Variants in CSNK1G1 observed in about 807,000 individuals in gnomAD.
CSNK1G1 encodes casein kinase I isoform gamma-1.
In CSNK1G1, 22 loss-of-function variants were observed where a neutral mutation model predicts 59.6. The ratio of observed to expected loss-of-function variants is 0.37; its 90% CI spans 0.26 to 0.53. The LOEUF (loss-of-function observed/expected upper bound fraction) is 0.53. Ranked by LOEUF, CSNK1G1 falls within the 20% of genes least tolerant of loss-of-function variation. The pLI is 0.89. For missense variants in CSNK1G1, 384 were observed against 519.5 expected (o/e 0.74, Z 2.54); for synonymous variants, 179 against 177.1 (o/e 1.01, Z -0.08).
intron 1 of CSNK1G1, among the ~76,000 whole-genome samples, chr15:64,353,611 C>A (rs1177218990): frequency 6.9e-6 from 1 of 145,406 alleles, no homozygotes; most frequent in Non-Finnish European, 1.5e-5. Context: ...CGTGCCACCA[C>A]ACTCCAGCCT....
chr15:64,215,681 G>A (rs1330742108), intron 5 of CSNK1G1, among the ~76,000 whole-genome samples: 1 of 152,190 alleles, frequency 6.6e-6, no homozygotes, highest in Non-Finnish European at 1.5e-5. Flanking sequence ...AAGGGCTTGT[G>A]ACAAACTTCT....
chr15:64,172,179 G>C (rs901172187), intron 11 of CSNK1G1, among the ~76,000 whole-genome samples, 194 bp from the exon 12 acceptor site: 1 of 152,320 alleles, frequency 6.6e-6, no homozygotes, highest in Admixed American at 6.5e-5. Context: ...ATAGCTGCTT[G>C]ATTTCAATCT....
chr15:64,292,607 C>T (rs140663366), intron 2 of CSNK1G1, among the ~76,000 whole-genome samples: 1 of 152,268 alleles, frequency 6.6e-6, no homozygotes, highest in African/African-American at 2.4e-5. Context: ...CATAAACATA[C>T]GTGCACCCCT....
At position 64,167,682 on chromosome 15, in the gene CSNK1G1, A is replaced by G. The variant is rs963374399; in HGVS notation, c.*4249T>C. 2.0e-5 allele frequency: 3 copies of G among 152,692 alleles called. No individual in the cohort carries two copies. The highest frequency in any genetic ancestry group is 4.8e-5 in the African/African-American group (2 of 41,454). The allele number at this position is 152,692 out of a possible 1,614,324, so 9.5% of individuals were successfully genotyped here. On this transcript the variant is annotated 3_prime_UTR_variant, in exon 12 of 12. Transcript: ENST00000303052. Reference sequence around the variant, plus strand: ...TAATATGGTTCTGACACTGGAGACAATGTTGTTAGGGCAACTCAATGGGAA... The same window carrying G: ...TAATATGGTTCTGACACTGGAGACAGTGTTGTTAGGGCAACTCAATGGGAA...
chr15:64,259,563 G>A (rs1892585939), intron 2 of CSNK1G1, among the ~76,000 whole-genome samples: 1 of 150,064 alleles, frequency 6.7e-6, no homozygotes, highest in Non-Finnish European at 1.5e-5. Context: ...TAAGCCACAA[G>A]GCAATTCAAG....
intron 1 of CSNK1G1, among the ~76,000 whole-genome samples, chr15:64,336,998 C>T (rs1051864250): frequency 5.3e-5 from 8 of 152,026 alleles, no homozygotes; most frequent in African/African-American, 1.7e-4. Context: ...GAGGCCAAGA[C>T]GGGTAAATCA....
chr15:64,238,518 A>AAAAAAAAATATATATATAT (rs1555396879), intron 4 of CSNK1G1, among the ~76,000 whole-genome samples: 1 of 49,246 alleles, frequency 2.0e-5, no homozygotes, highest in African/African-American at 1.2e-4. Flanking sequence ...AAAAAAAAAA[A>AAAAAAAAATATATATATAT]ATATATATAT....
chr15:64,201,702 G>T (rs1013973851), intron 10 of CSNK1G1, among the ~76,000 whole-genome samples: 10 of 137,308 alleles, frequency 7.3e-5, no homozygotes, highest in Non-Finnish European at 9.2e-5. Flanking sequence ...GTACTCCATT[G>T]GACATGTGTG....
chr15:64,204,997 T>C (rs1184361768), intron 7 of CSNK1G1, 48 bp from the exon 8 acceptor site: 3 of 1,058,504 alleles, frequency 2.8e-6, no homozygotes, highest in African/African-American at 1.6e-5. Flanking sequence ...GGCCTAAACA[T>C]GGGAGATTCA....
At chr15:64,308,577 C>T (rs1895816068) in intron 1 of CSNK1G1, among the ~76,000 whole-genome samples, 1 of 152,162 alleles carries the variant, frequency 6.6e-6, no homozygotes, top group African/African-American at 2.4e-5. Flanking sequence ...GCAGCCTCTT[C>T]CAGTCTTCCG....
At chr15:64,278,902 C>CTT (rs201242405) in intron 2 of CSNK1G1, among the ~76,000 whole-genome samples, 1 of 151,962 alleles carries the variant, frequency 6.6e-6, no homozygotes, top group African/African-American at 2.4e-5. Flanking sequence ...ATGTGTTTCA[C>CTT]TTTTTTTTAA....
chr15:64,317,858 C>T (rs1302222135), intron 1 of CSNK1G1, among the ~76,000 whole-genome samples: 3 of 152,132 alleles, frequency 2.0e-5, no homozygotes, highest in Admixed American at 6.5e-5. Context: ...CTATCTTTAG[C>T]CTACAATTAG....
intron 6 of CSNK1G1, among the ~76,000 whole-genome samples, chr15:64,208,456 C>T (rs1419772839): frequency 2.0e-5 from 3 of 152,178 alleles, no homozygotes; most frequent in Non-Finnish European, 4.4e-5. Flanking sequence ...AAATAGTTAA[C>T]AAAAAACTGC....
chr15:64,302,216 C>T (rs1295779935), intron 1 of CSNK1G1, among the ~76,000 whole-genome samples: 1 of 152,146 alleles, frequency 6.6e-6, no homozygotes, highest in African/African-American at 2.4e-5. Flanking sequence ...TCTCCTGCCT[C>T]AGCCTCCCAA....
Position 64,168,053 on chromosome 15 carries a change from AG to A in CSNK1G1, c.*3877del, listed in dbSNP as rs2081622690. ...CTGAACTAAGTTTGGAAATTACTTT[AG>A]GGGTGATGGTCACCTTTTCTGGCTG... On this transcript the variant is annotated 3_prime_UTR_variant, in exon 12 of 12. Coordinates refer to ENST00000303052, the MANE Select transcript of CSNK1G1 (RefSeq NM_022048.5). The A allele has an allele frequency of 6.6e-6, 1 of 152,458 alleles. No individual in the cohort carries two copies. The highest frequency in any genetic ancestry group is 6.5e-5 in the Admixed American group (1 of 15,292). The allele number at this position is 152,458 out of a possible 1,614,324, so 9.4% of individuals were successfully genotyped here. A position where few individuals can be genotyped will look rare whatever the true frequency, so the allele number is the denominator to read the frequency against.
intron 4 of CSNK1G1, among the ~76,000 whole-genome samples, chr15:64,226,555 A>AAAACAAACAAACAAACAAAC (rs141730302): frequency 4.7e-5 from 7 of 148,334 alleles, no homozygotes; most frequent in Non-Finnish European, 1.0e-4. Context: ...ATTCCGTCTC[A>AAAACAAACAAACAAACAAAC]AAACAAACAA....
chr15:64,184,234 C>T (rs1033516551), intron 10 of CSNK1G1, among the ~76,000 whole-genome samples: 3 of 151,908 alleles, frequency 2.0e-5, no homozygotes, highest in Middle Eastern at 3.2e-3. Flanking sequence ...ACCTGGGAGG[C>T]GTAGCTTGCA....
At position 64,188,336 on chromosome 15, in the gene CSNK1G1, C is replaced by A. The variant is rs780148196; in HGVS notation, c.1108-7882G>T. The A allele has an allele frequency of 6.8e-7, 1 of 1,466,754 alleles. No homozygotes were observed. The highest frequency in any genetic ancestry group is 1.2e-5 in the South Asian group (1 of 80,868). The allele number at this position is 1,466,754 out of a possible 1,614,324, so 90.9% of individuals were successfully genotyped here. A position where few individuals can be genotyped will look rare whatever the true frequency, so the allele number is the denominator to read the frequency against. On this transcript the variant is annotated intron_variant, in intron 10 of 11. Coordinates refer to ENST00000303052, the MANE Select transcript of CSNK1G1 (RefSeq NM_022048.5). The surrounding 1 kb of genome is among the most constrained non-coding windows in gnomAD (Gnocchi z 4.2). ...GCAAGCCAACATTCCACCAGCCAAG[C>A]TGGAAAGGCCAGGAAAAGGCAATAA...
At chr15:64,186,385 A>G (rs1204035216) in intron 10 of CSNK1G1, among the ~76,000 whole-genome samples, 1 of 152,236 alleles carries the variant, frequency 6.6e-6, no homozygotes, top group Non-Finnish European at 1.5e-5. Context: ...TGCTGGGATT[A>G]CAGGCATGAG....
Sources: allele counts gnomAD v4.1 joint callset (sites outside exome capture counted in the v4.1 genomes callset), GRCh38; gene constraint gnomAD v4.1.1; non-coding constraint Gnocchi (gnomAD v3.1); transcripts MANE v1.5; gene names NCBI Gene and HGNC (gene_info 2026-07-23, HGNC 2026-07-21).